The following GLI3 variants were observed in gnomAD, a reference collection of about 807,000 sequenced individuals.
GLI3 encodes the protein transcription activator GLI3.
In GLI3, 20 loss-of-function variants were observed where a neutral mutation model predicts 100.8. The observed-to-expected ratio is 0.20, with a 90% confidence interval of 0.14 to 0.29. The LOEUF (loss-of-function observed/expected upper bound fraction) is 0.29, where lower values mean the gene tolerates loss of function less well. Among genes scored for constraint, GLI3 ranks in the 10% least tolerant of loss-of-function variants. GLI3 has a pLI of 1.00. For missense variants in GLI3, 2,040 were observed against 2,128.5 expected, an observed-to-expected ratio of 0.96 and a Z score of 0.82; for synonymous variants, 938 against 860.5, an observed-to-expected ratio of 1.09 and a Z score of -1.58.
At chr7:42,192,535 T>C (rs943709506) in intron 2 of GLI3, among the ~76,000 whole-genome samples, 1 of 152,246 alleles carries the variant, frequency 6.6e-6, no homozygotes, top group African/African-American at 2.4e-5. Flanking sequence ...ACATCTACTC[T>C]TTGGCCTTCA....
chr7:41,967,850 C>G lies in GLI3; in HGVS notation c.2177G>C (p.Ser726Thr). The change falls in exon 14 of 15, where the codon AGT (serine) becomes ACT (threonine). Residue 726 changes from serine to threonine, a missense_variant. Ser to Thr is a moderately conservative substitution (Grantham distance 58). Transcript: ENST00000395925. ...ATCGGTCAGAGGAAGCTCGAGCCCA[C>G]TGTTGGAATAGTTGCTGATGGGGGA... ...QQSPISNYSNSGLELPLTDGG... is the reference protein window; with the variant it reads ...QQSPISNYSNTGLELPLTDGG... 1 of 1,614,114 alleles carries G rather than the reference C, an allele frequency of 6.2e-7. No individual in the cohort carries two copies. Among genetic ancestry groups the G allele is most frequent in the Non-Finnish European group, 8.5e-7 (1 of 1,180,020 alleles).
intron 3 of GLI3, among the ~76,000 whole-genome samples, chr7:42,125,765 T>G (rs1483274328): frequency 2.0e-5 from 3 of 152,198 alleles, no homozygotes; most frequent in Non-Finnish European, 4.4e-5. Flanking sequence ...CCTCTTATTT[T>G]TGAGGGTATA....
At chr7:42,252,333 A>G (rs60788296) in intron 1 of GLI3, among the ~76,000 whole-genome samples, 78,538 of 151,498 alleles carry the variant, frequency 0.52, 20,743 homozygotes, top group East Asian at 0.69. Context: ...AGACACTGGG[A>G]CCTACTTGAG....
At chr7:42,262,200 C>CCTTCCTTCCTTCCTTCCTTA (rs1263614533) in intron 1 of GLI3, among the ~76,000 whole-genome samples, 1,518 of 74,670 alleles carry the variant, frequency 0.02, 63 homozygotes, top group African/African-American at 0.063. Flanking sequence ...TATTTTTTTT[C>CCTTCCTTCCTTCCTTCCTTA]CTTCCTTCTT....
chr7:42,033,381 A>T (rs1789350552), intron 7 of GLI3, among the ~76,000 whole-genome samples: 1 of 152,256 alleles, frequency 6.6e-6, no homozygotes, highest in East Asian at 1.9e-4. Context: ...TAGTATCAGG[A>T]TGTATTCCTT....
chr7:42,102,107 C>G (rs1416290981), intron 3 of GLI3, among the ~76,000 whole-genome samples: 1 of 151,746 alleles, frequency 6.6e-6, no homozygotes, highest in Non-Finnish European at 1.5e-5. Flanking sequence ...TGGGTTGGTT[C>G]CAAGTCTTTG....
intron 4 of GLI3, among the ~76,000 whole-genome samples, chr7:42,052,386 C>T (rs1482206513): frequency 6.6e-6 from 1 of 152,152 alleles, no homozygotes; most frequent in Non-Finnish European, 1.5e-5. Context: ...TTGGATTTTC[C>T]AGGACCTCCC....
rs541167273 is a variant in GLI3, at chr7:41,975,094, C to T, written c.1812+2464G>A. Among the ~76,000 whole-genome samples, 15 of 152,228 alleles carry T rather than the reference C, an allele frequency of 9.9e-5. No individual in the cohort carries two copies. In the South Asian group the frequency reaches 1.2e-3, roughly 13 times the overall value. ...ATCAGAGCTCAGGAAACTTGTTTAG[C>T]GGTATCTTTGGGGGAAAAATGAGCT... On this transcript the variant is annotated intron_variant, in intron 12 of 14. Transcript: ENST00000395925.
chr7:42,144,464 T>C (rs1786653537), intron 3 of GLI3, among the ~76,000 whole-genome samples: 2 of 152,160 alleles, frequency 1.3e-5, no homozygotes, highest in Admixed American at 1.3e-4. Flanking sequence ...AATACCCCCG[T>C]ATCCCCCCGG....
chr7:42,183,576 G>C (rs1787660197), intron 2 of GLI3, among the ~76,000 whole-genome samples: 1 of 152,200 alleles, frequency 6.6e-6, no homozygotes, highest in Non-Finnish European at 1.5e-5. Flanking sequence ...TACAGGAAGT[G>C]AGTTTAGTTT....
At chr7:41,997,571 GA>G (rs1788161559) in intron 10 of GLI3, among the ~76,000 whole-genome samples, 1 of 152,210 alleles carries the variant, frequency 6.6e-6, no homozygotes, top group Non-Finnish European at 1.5e-5. Context: ...TAAAAATAAA[GA>G]GAGAAAGAGC....
chr7:42,026,556 C>A (rs575061232), intron 7 of GLI3, 144 bp from the exon 8 acceptor site: 5 of 715,198 alleles, frequency 7.0e-6, no homozygotes, highest in South Asian at 3.1e-5. Flanking sequence ...TGCCAAGCAT[C>A]TTGAAAACTT....
chr7:42,027,969 G>T (rs187932476), intron 7 of GLI3, among the ~76,000 whole-genome samples: 3 of 152,140 alleles, frequency 2.0e-5, no homozygotes, highest in Non-Finnish European at 4.4e-5. Context: ...ATGATTGATA[G>T]GGCATTAATC....
At chr7:42,249,772 A>AAC (rs35939925) in intron 1 of GLI3, among the ~76,000 whole-genome samples, 5 of 150,998 alleles carry the variant, frequency 3.3e-5, no homozygotes, top group Admixed American at 6.6e-5. Flanking sequence ...TACATGCACA[A>AAC]ACACACACAC....
At chr7:42,009,386 A>G (rs1197078524) in intron 10 of GLI3, among the ~76,000 whole-genome samples, 2 of 151,106 alleles carry the variant, frequency 1.3e-5, no homozygotes, top group Non-Finnish European at 2.9e-5. Flanking sequence ...AATTGACTTG[A>G]CCCTACCCTT....
intron 2 of GLI3, among the ~76,000 whole-genome samples, chr7:42,207,133 C>A (rs1216652295): frequency 1.3e-5 from 2 of 152,162 alleles, no homozygotes; most frequent in African/African-American, 2.4e-5. Context: ...CTAATATATG[C>A]ATACCCTAGG....
At chr7:42,252,551 T>C (rs996453976) in intron 1 of GLI3, among the ~76,000 whole-genome samples, 1 of 152,212 alleles carries the variant, frequency 6.6e-6, no homozygotes, top group African/African-American at 2.4e-5. Flanking sequence ...AATACTATTC[T>C]CACTATTATA....
At chr7:42,000,021 C>T (rs1013183464) in intron 10 of GLI3, among the ~76,000 whole-genome samples, 2 of 152,216 alleles carry the variant, frequency 1.3e-5, no homozygotes, top group Non-Finnish European at 1.5e-5. Flanking sequence ...AACATCCCAC[C>T]TTCGTCCTGC....
At chr7:42,236,049 G>A (rs934038129) in intron 1 of GLI3, among the ~76,000 whole-genome samples, 8 of 151,988 alleles carry the variant, frequency 5.3e-5, no homozygotes, top group Non-Finnish European at 1.2e-4. Flanking sequence ...CTCGGGGGAC[G>A]GCATCTTACA....
Sources: allele counts gnomAD v4.1 joint callset (sites outside exome capture counted in the v4.1 genomes callset), GRCh38; gene constraint gnomAD v4.1.1; transcripts MANE v1.5; gene names NCBI Gene and HGNC (gene_info 2026-07-23, HGNC 2026-07-21).